The following MED27 variants were observed in gnomAD, a reference collection of about 807,000 sequenced individuals.
The protein encoded by MED27 is mediator complex subunit 27, also known as mediator of RNA polymerase II transcription subunit 27.
MED27 carries 30 observed loss-of-function variants against 38.2 expected under a neutral mutation model. The ratio of observed to expected loss-of-function variants is 0.79; its 90% CI spans 0.59 to 1.07. The LOEUF (loss-of-function observed/expected upper bound fraction) is 1.07, where lower values mean the gene tolerates loss of function less well. Ranked by LOEUF, MED27 falls within the 50% of genes least tolerant of loss-of-function variation. The probability of loss-of-function intolerance (pLI) is 0.00; values close to 1 mark genes in which losing one functional copy is unlikely to be tolerated. For synonymous variants in MED27, 122 were observed against 153.5 expected (o/e 0.79, Z 1.52); for missense variants, 289 against 397.5 (o/e 0.73, Z 2.32).
At chr9:131,919,222 C>T (rs1277146863) in intron 4 of MED27, among the ~76,000 whole-genome samples, 1 of 152,212 alleles carries the variant, frequency 6.6e-6, no homozygotes, top group Non-Finnish European at 1.5e-5. Flanking sequence ...AAGCCAAGTA[C>T]AGCTTTGGCA....
intron 2 of MED27, among the ~76,000 whole-genome samples, chr9:132,059,121 A>C (rs988785484): frequency 1.3e-5 from 2 of 152,220 alleles, no homozygotes; most frequent in Non-Finnish European, 2.9e-5. Flanking sequence ...ACTTAGCAGA[A>C]AAATGAAATT....
chr9:132,005,833 C>A (rs372344672), intron 3 of MED27, among the ~76,000 whole-genome samples: 6 of 152,170 alleles, frequency 3.9e-5, no homozygotes, highest in Admixed American at 3.9e-4. Flanking sequence ...ACAGCTTAAA[C>A]ATGACTGATA....
intron 3 of MED27, among the ~76,000 whole-genome samples, chr9:131,957,825 T>C (rs1243826633): frequency 6.6e-6 from 1 of 150,414 alleles, no homozygotes; most frequent in Non-Finnish European, 1.5e-5. Flanking sequence ...ACGTCTGTAA[T>C]CCTAGCACTT....
chr9:131,994,660 T>C (rs767214052), intron 3 of MED27, among the ~76,000 whole-genome samples: 3 of 152,190 alleles, frequency 2.0e-5, no homozygotes, highest in African/African-American at 4.8e-5. Flanking sequence ...CATCACTGAT[T>C]TAGTGAATGC....
chr9:131,963,009 A>C (rs1459625425), intron 3 of MED27, among the ~76,000 whole-genome samples: 1 of 152,228 alleles, frequency 6.6e-6, no homozygotes, highest in African/African-American at 2.4e-5. Flanking sequence ...TTTGGTTTGC[A>C]AGAAAGTTTC....
At chr9:131,887,977 G>A (rs903878070) in intron 5 of MED27, among the ~76,000 whole-genome samples, 1 of 152,134 alleles carries the variant, frequency 6.6e-6, no homozygotes, top group African/African-American at 2.4e-5. Flanking sequence ...GCACAGACAC[G>A]TCTGTTCTCA....
chr9:131,946,347 C>T (rs1428522426), intron 3 of MED27, among the ~76,000 whole-genome samples: 1 of 152,184 alleles, frequency 6.6e-6, no homozygotes, highest in Non-Finnish European at 1.5e-5. Context: ...AATGACTGTA[C>T]TAATTTGCAG....
chr9:132,033,914 AT>A (rs1833017541), intron 2 of MED27, among the ~76,000 whole-genome samples: 1 of 152,226 alleles, frequency 6.6e-6, no homozygotes, highest in Non-Finnish European at 1.5e-5. Flanking sequence ...TTCTTTAAAA[AT>A]TTTATAGTAT....
chr9:131,868,676 T>G, intron 6 of MED27: 6 of 985,502 alleles, frequency 6.1e-6, no homozygotes, highest in Non-Finnish European at 7.2e-6. Flanking sequence ...GCCCGAACAC[T>G]GGGAGGCCCA....
chr9:131,871,627 G>A (rs1454038039), intron 6 of MED27, among the ~76,000 whole-genome samples: 2 of 152,136 alleles, frequency 1.3e-5, no homozygotes, highest in East Asian at 3.9e-4. Flanking sequence ...ACAGCACACC[G>A]CAGCCTCGAA....
intron 2 of MED27, among the ~76,000 whole-genome samples, chr9:132,034,976 C>T (rs1564333854): frequency 6.6e-6 from 1 of 152,188 alleles, no homozygotes; most frequent in Non-Finnish European, 1.5e-5. Context: ...CACAAACAGA[C>T]ACCCCCCTCA....
intron 2 of MED27, among the ~76,000 whole-genome samples, chr9:132,044,927 A>C (rs1833297984): frequency 6.6e-6 from 1 of 152,260 alleles, no homozygotes; most frequent in Non-Finnish European, 1.5e-5. Flanking sequence ...AAGTAATTTT[A>C]GATCAATTAG....
At chr9:132,004,185 C>T (rs1364829583) in intron 3 of MED27, among the ~76,000 whole-genome samples, 3 of 152,150 alleles carry the variant, frequency 2.0e-5, no homozygotes, top group African/African-American at 7.2e-5. Context: ...CAGTCTGTGG[C>T]TTATTGAACT....
intron 2 of MED27, among the ~76,000 whole-genome samples, chr9:132,023,209 C>A (rs1225895829): frequency 6.6e-6 from 1 of 151,388 alleles, no homozygotes. Context: ...TTTTTCCCCC[C>A]CAAAAGAAAA....
intron 2 of MED27, among the ~76,000 whole-genome samples, chr9:132,046,044 ACT>A (rs1341292950): frequency 1.3e-5 from 2 of 152,140 alleles, no homozygotes; most frequent in African/African-American, 4.8e-5. Flanking sequence ...TCCCAGACCA[ACT>A]CTGTGATATT....
At chr9:131,923,227 C>A (rs181080642) in intron 4 of MED27, among the ~76,000 whole-genome samples, 754 of 152,332 alleles carry the variant, frequency 4.9e-3, no homozygotes, top group African/African-American at 0.017. Flanking sequence ...TACTTCCAAT[C>A]GCAGTCCAAC....
intron 3 of MED27, among the ~76,000 whole-genome samples, chr9:131,945,129 A>T (rs1002701773): frequency 1.4e-5 from 2 of 147,078 alleles, no homozygotes; most frequent in African/African-American, 4.9e-5. Flanking sequence ...ATATAAAAAT[A>T]TCTTTATATA....
chr9:131,905,560 C>T (rs1184118860), intron 4 of MED27, among the ~76,000 whole-genome samples: 5 of 152,134 alleles, frequency 3.3e-5, no homozygotes, highest in South Asian at 2.1e-4. Flanking sequence ...GGACCAGGTA[C>T]GGTGGCTCAT....
At chr9:131,900,036 C>T (rs1829909021) in intron 4 of MED27, among the ~76,000 whole-genome samples, 1 of 152,200 alleles carries the variant, frequency 6.6e-6, no homozygotes, top group Non-Finnish European at 1.5e-5. Flanking sequence ...CTTGCTGTTG[C>T]CAAGGTAACA....
Sources: allele counts gnomAD v4.1 joint callset (sites outside exome capture counted in the v4.1 genomes callset), GRCh38; gene constraint gnomAD v4.1.1; transcripts MANE v1.5; gene names NCBI Gene and HGNC (gene_info 2026-07-23, HGNC 2026-07-21).